Variants in ERC2 observed in about 807,000 individuals in gnomAD.
ERC2 encodes the protein ERC protein 2.
ERC2 carries 42 observed loss-of-function variants against 114.8 expected under a neutral mutation model. The observed-to-expected ratio is 0.37, with a 90% CI of 0.29 to 0.47. The LOEUF is 0.47. Ranked by LOEUF, ERC2 falls within the 20% of genes least tolerant of loss-of-function variation. ERC2 has a pLI of 0.99. For missense variants in ERC2, 939 were observed against 1,150.7 expected (o/e 0.82, Z 2.66); for synonymous variants, 454 against 425.5 (o/e 1.07, Z -0.82).
chr3:56,449,494 T>C (rs1366826113), intron 1 of ERC2, among the ~76,000 whole-genome samples: 1 of 152,232 alleles, frequency 6.6e-6, no homozygotes, highest in African/African-American at 2.4e-5. Flanking sequence ...GGCACTTTAA[T>C]ATCATGACAT....
At chr3:56,107,617 T>C (rs780194638) in intron 6 of ERC2, among the ~76,000 whole-genome samples, 2 of 152,168 alleles carry the variant, frequency 1.3e-5, no homozygotes, top group Non-Finnish European at 2.9e-5. Context: ...ACTCGGAAAC[T>C]ATTCCCCATC....
rs558658343 is a variant in ERC2, at chr3:56,253,344, T to TA, written c.1074+42674dup. On this transcript the variant is annotated intron_variant, in intron 3 of 17. Coordinates refer to ENST00000288221, the MANE Select transcript of ERC2 (RefSeq NM_015576.3). Reference sequence around the variant, plus strand: ...AGAAAATTTTAAGTTTTCTCTTATTTAAAAAAGTTTTACCTTATTTAAAAA... The same window carrying TA: ...AGAAAATTTTAAGTTTTCTCTTATTTAAAAAAAGTTTTACCTTATTTAAAAA... Among the ~76,000 whole-genome samples the TA allele has an allele frequency of 5.3e-4, 80 of 152,346 alleles. 2 individuals carry two copies. In the South Asian group the frequency reaches 0.016, roughly 30 times the overall value.
At chr3:55,847,784 T>C (rs2061425674) in intron 14 of ERC2, among the ~76,000 whole-genome samples, 1 of 152,220 alleles carries the variant, frequency 6.6e-6, no homozygotes, top group Non-Finnish European at 1.5e-5. Flanking sequence ...TCATTGCTTA[T>C]ACATTTCTGA....
chr3:56,181,962 T>TAAGG (rs2083311431), intron 3 of ERC2, among the ~76,000 whole-genome samples: 4 of 152,154 alleles, frequency 2.6e-5, no homozygotes, highest in Admixed American at 6.6e-5. Context: ...AACAGCCTGA[T>TAAGG]TGCAACCTCA....
intron 15 of ERC2, among the ~76,000 whole-genome samples, chr3:55,712,634 T>C (rs956599117): frequency 6.6e-6 from 1 of 152,206 alleles, no homozygotes; most frequent in East Asian, 1.9e-4. Flanking sequence ...CCAGTCTTCA[T>C]TCCTTATCAC....
intron 2 of ERC2, among the ~76,000 whole-genome samples, chr3:56,398,126 G>A (rs1340573866): frequency 1.3e-5 from 2 of 152,134 alleles, no homozygotes; most frequent in African/African-American, 4.8e-5. Context: ...AGTATGTGGG[G>A]GAAAATAGAA....
At position 56,431,469 on chromosome 3, in the gene ERC2, T is replaced by C. The variant is rs144596845; in HGVS notation, c.657+2882A>G. Among the ~76,000 whole-genome samples the C allele has an allele frequency of 1.3e-3, 197 of 152,326 alleles. 1 individual carries two copies. Among genetic ancestry groups the C allele is most frequent in the Non-Finnish European group, 2.2e-3 (147 of 68,026 alleles). On this transcript the variant is annotated intron_variant, in intron 2 of 17. Coordinates refer to ENST00000288221, the MANE Select transcript of ERC2 (RefSeq NM_015576.3). ...ATCAGGATGCAGAAATCCTGGATCC[T>C]GAGTCACTGCATGGAAAAGACCCGT...
intron 15 of ERC2, among the ~76,000 whole-genome samples, chr3:55,733,544 A>T (rs60249231): frequency 0.016 from 1,399 of 87,550 alleles, 73 homozygotes; most frequent in African/African-American, 0.06. Flanking sequence ...TCTCTCTCTC[A>T]CACACACACA....
chr3:56,030,127 G>A (rs1456972885), intron 7 of ERC2, among the ~76,000 whole-genome samples: 1 of 152,074 alleles, frequency 6.6e-6, no homozygotes, highest in African/African-American at 2.4e-5. Context: ...CCCCTTGTCT[G>A]TCTGTTATCA....
intron 12 of ERC2, among the ~76,000 whole-genome samples, chr3:55,975,543 A>G (rs1368853316): frequency 6.6e-6 from 1 of 152,152 alleles, no homozygotes. Flanking sequence ...CTTTTAAAAA[A>G]ATTTCATTAA....
At chr3:55,833,327 A>C (rs1286592277) in intron 14 of ERC2, among the ~76,000 whole-genome samples, 3 of 151,148 alleles carry the variant, frequency 2.0e-5, no homozygotes, top group African/African-American at 7.4e-5. Flanking sequence ...CAAAGTGGAA[A>C]TGAAGGAAAA....
chr3:55,523,661 C>A (rs772305975), intron 17 of ERC2, among the ~76,000 whole-genome samples: 5 of 152,184 alleles, frequency 3.3e-5, no homozygotes, highest in Non-Finnish European at 5.9e-5. Flanking sequence ...TCCTAGGCTG[C>A]GTTCATGAGG....
intron 15 of ERC2, among the ~76,000 whole-genome samples, chr3:55,706,548 C>T (rs1326626125): frequency 6.6e-6 from 1 of 151,900 alleles, no homozygotes; most frequent in East Asian, 1.9e-4. Context: ...AGGTGCCTTC[C>T]ACCACTCCCA....
At chr3:56,375,035 C>T (rs1205947390) in intron 2 of ERC2, among the ~76,000 whole-genome samples, 1 of 152,080 alleles carries the variant, frequency 6.6e-6, no homozygotes, top group East Asian at 1.9e-4. Flanking sequence ...AGCAGCCATC[C>T]CTGTATTCTT....
chr3:56,236,467 C>T (rs1422142858), intron 3 of ERC2, among the ~76,000 whole-genome samples: 2 of 152,166 alleles, frequency 1.3e-5, no homozygotes, highest in African/African-American at 4.8e-5. Context: ...CACCAAATTG[C>T]TTTTCCTTTC....
intron 14 of ERC2, among the ~76,000 whole-genome samples, chr3:55,873,604 C>T (rs1189656674): frequency 6.6e-6 from 1 of 152,224 alleles, no homozygotes; most frequent in Non-Finnish European, 1.5e-5. Flanking sequence ...CCTGGGTGGT[C>T]TGGCCTCTGC....
chr3:56,237,159 C>A (rs944273701), intron 3 of ERC2, among the ~76,000 whole-genome samples: 1 of 152,174 alleles, frequency 6.6e-6, no homozygotes, highest in Non-Finnish European at 1.5e-5. Flanking sequence ...CCACAAAATA[C>A]CTGCCTGCCT....
intron 17 of ERC2, among the ~76,000 whole-genome samples, chr3:55,607,211 C>A (rs978069957): frequency 1.3e-5 from 2 of 152,152 alleles, no homozygotes; most frequent in African/African-American, 4.8e-5. Context: ...AAAGACCAGA[C>A]AGGCAGTTAC....
intron 13 of ERC2, among the ~76,000 whole-genome samples, chr3:55,932,829 TA>T (rs2149405958): frequency 6.6e-6 from 1 of 152,316 alleles, no homozygotes; most frequent in South Asian, 2.1e-4. Context: ...TTGAGATACT[TA>T]CCTTTTAATA....
Sources: gnomAD v4.1 joint callset for allele counts (sites outside exome capture counted in the v4.1 genomes callset) on GRCh38, gnomAD v4.1.1 for gene constraint, MANE v1.5 for transcripts, NCBI Gene and HGNC (gene_info 2026-07-23, HGNC 2026-07-21) for gene names.